NEGR1: variants seen among roughly 807,000 people sequenced by gnomAD.
NEGR1 encodes IgLON family member 4.
Under a neutral mutation model 40.9 loss-of-function variants are expected in NEGR1, and 10 were observed. The ratio of observed to expected loss-of-function variants is 0.24; its 90% confidence interval spans 0.15 to 0.42. The LOEUF (loss-of-function observed/expected upper bound fraction) is 0.42. Among genes scored for constraint, NEGR1 ranks in the 10% least tolerant of loss-of-function variants. The pLI is 1.00. For missense variants in NEGR1, 352 were observed against 438.9 expected, an observed-to-expected ratio of 0.80 and a Z score of 1.77; for synonymous variants, 185 against 166.8, an observed-to-expected ratio of 1.11 and a Z score of -0.84.
chr1:72,052,052 T>C (rs779762750), intron 1 of NEGR1, among the ~76,000 whole-genome samples: 19 of 151,476 alleles, frequency 1.3e-4, no homozygotes, highest in Non-Finnish European at 2.2e-4. Context: ...ACTTGGTGGG[T>C]ATTTCTCTAT....
chr1:71,948,062 T>C (rs766472771), intron 1 of NEGR1, among the ~76,000 whole-genome samples: 3 of 152,186 alleles, frequency 2.0e-5, no homozygotes, highest in Non-Finnish European at 4.4e-5. Context: ...AGACAATCTT[T>C]CTGAAGAACA....
At chr1:72,208,967 G>C (rs1262034793) in intron 1 of NEGR1, among the ~76,000 whole-genome samples, 2 of 151,462 alleles carry the variant, frequency 1.3e-5, no homozygotes, top group Non-Finnish European at 3.0e-5. Context: ...TAAGTTTCTT[G>C]CTTGTCTCTT....
intron 5 of NEGR1, among the ~76,000 whole-genome samples, chr1:71,609,321 C>CTAGCTAACATGG (rs1452720940): frequency 1.3e-5 from 2 of 151,354 alleles, no homozygotes; most frequent in East Asian, 3.9e-4. Context: ...CAAGACCATC[C>CTAGCTAACATGG]TAGCTAACAT....
intron 6 of NEGR1, among the ~76,000 whole-genome samples, chr1:71,504,462 A>C (rs1285699241): frequency 6.6e-6 from 1 of 152,168 alleles, no homozygotes; most frequent in African/African-American, 2.4e-5. Context: ...AACTCCTAAG[A>C]CTATGAGTAA....
At chr1:72,125,182 G>A (rs2630406) in intron 1 of NEGR1, among the ~76,000 whole-genome samples, 79,818 of 151,684 alleles carry the variant, frequency 0.53, 21,352 homozygotes, top group African/African-American at 0.62. Context: ...TTCAAAGTTC[G>A]TATCTATCTA....
chr1:72,225,369 G>T (rs950591771), intron 1 of NEGR1, among the ~76,000 whole-genome samples: 1 of 151,668 alleles, frequency 6.6e-6, no homozygotes, highest in African/African-American at 2.4e-5. Flanking sequence ...GTTAGTTATT[G>T]TCAAAAACTA....
intron 6 of NEGR1, among the ~76,000 whole-genome samples, chr1:71,483,549 T>TA (rs1227275094): frequency 6.6e-6 from 1 of 151,748 alleles, no homozygotes; most frequent in Non-Finnish European, 1.5e-5. Flanking sequence ...TATGTGTATG[T>TA]AGATCTATCC....
chr1:71,916,934 G>A (rs1193047057), intron 2 of NEGR1, among the ~76,000 whole-genome samples: 1 of 152,126 alleles, frequency 6.6e-6, no homozygotes, highest in Non-Finnish European at 1.5e-5. Flanking sequence ...TGTGTGTGAT[G>A]GGCAATTTCT....
intron 2 of NEGR1, among the ~76,000 whole-genome samples, chr1:71,816,529 A>C (rs1207943098): frequency 2.6e-5 from 4 of 151,954 alleles, no homozygotes; most frequent in African/African-American, 9.7e-5. Context: ...CCTTTATAAA[A>C]CCATCAGATC....
chr1:71,657,066 T>C (rs1651903263), intron 4 of NEGR1, among the ~76,000 whole-genome samples: 1 of 152,206 alleles, frequency 6.6e-6, no homozygotes, highest in Non-Finnish European at 1.5e-5. Context: ...AGGAACCCCA[T>C]GGACCACTGT....
chr1:71,729,004 C>CTT (rs77991010), intron 3 of NEGR1, among the ~76,000 whole-genome samples: 1 of 151,544 alleles, frequency 6.6e-6, no homozygotes, highest in African/African-American at 2.4e-5. Context: ...GAAATGGAAA[C>CTT]TTTTTTTTTA....
intron 1 of NEGR1, among the ~76,000 whole-genome samples, chr1:72,117,838 A>G (rs61765575): frequency 0.022 from 3,413 of 151,894 alleles, 56 homozygotes; most frequent in Non-Finnish European, 0.035. Flanking sequence ...TTTGATCCTC[A>G]AGTGCCACCT....
chr1:71,650,773 GA>G (rs1171936689), intron 4 of NEGR1, among the ~76,000 whole-genome samples: 2 of 151,904 alleles, frequency 1.3e-5, no homozygotes, highest in African/African-American at 4.8e-5. Context: ...TAGTATAAAA[GA>G]AAAAAATACA....
chr1:71,562,419 C>A (rs994480951), intron 6 of NEGR1, among the ~76,000 whole-genome samples: 3 of 97,538 alleles, frequency 3.1e-5, no homozygotes, highest in African/African-American at 9.8e-5. Context: ...CATTGCTTAC[C>A]ATTACCCCGT....
intron 6 of NEGR1, among the ~76,000 whole-genome samples, chr1:71,581,102 G>A (rs768237964): frequency 2.6e-5 from 4 of 152,044 alleles, no homozygotes; most frequent in Non-Finnish European, 5.9e-5. Context: ...TAATCTTGAG[G>A]TTACTTGCAT....
intron 1 of NEGR1, among the ~76,000 whole-genome samples, chr1:72,151,577 A>C (rs1318856164): frequency 6.6e-6 from 1 of 151,740 alleles, no homozygotes; most frequent in Non-Finnish European, 1.5e-5. Flanking sequence ...TTAAAAGAAT[A>C]AGGACACTTT....
chr1:72,275,628 TGAGA>T (rs746860519), intron 1 of NEGR1, among the ~76,000 whole-genome samples: 5 of 152,242 alleles, frequency 3.3e-5, no homozygotes, highest in African/African-American at 9.6e-5. Context: ...AGAGCATCCC[TGAGA>T]GAGTCATTTA....
intron 1 of NEGR1, among the ~76,000 whole-genome samples, chr1:72,267,259 C>T (rs1054690618): frequency 1.3e-5 from 2 of 150,970 alleles, no homozygotes; most frequent in African/African-American, 4.8e-5. Flanking sequence ...CCCCATCTTA[C>T]ATACAATGCA....
Position 72,227,637 on chromosome 1 carries a change from C to A in NEGR1, c.176+54682G>T, listed in dbSNP as rs184402037. 5.9e-5 allele frequency among the ~76,000 whole-genome samples: 9 copies of A among 152,006 alleles called. No homozygotes were observed. In the East Asian group the frequency reaches 1.6e-3, roughly 26 times the overall value. ...TACTAAGCTTAGACTCTTCCTTTAC[C>A]ATATATAGAAACTTTTTTGTAAAGC... On this transcript the variant is annotated intron_variant, in intron 1 of 6. Coordinates refer to ENST00000357731, the MANE Select transcript of NEGR1 (RefSeq NM_173808.3).
Sources: allele counts gnomAD v4.1 joint callset (sites outside exome capture counted in the v4.1 genomes callset), GRCh38; gene constraint gnomAD v4.1.1; transcripts MANE v1.5; gene names NCBI Gene and HGNC (gene_info 2026-07-23, HGNC 2026-07-21).